The following KDM3A variants were observed in gnomAD, a reference collection of about 807,000 sequenced individuals.
KDM3A encodes lysine demethylase 3A, also known as lysine-specific demethylase 3A.
A neutral mutation model predicts 158.0 loss-of-function variants in KDM3A; 60 were observed. That is an observed-to-expected ratio of 0.38 (90% CI 0.31 to 0.47). KDM3A has a LOEUF of 0.47. Ranked by LOEUF, KDM3A falls within the 20% of genes least tolerant of loss-of-function variation. The pLI, the probability that KDM3A is intolerant of heterozygous loss-of-function variation, is 0.99. For missense variants in KDM3A, 1,319 were observed against 1,574.3 expected (o/e 0.84, Z 2.74); for synonymous variants, 608 against 549.3 (o/e 1.11, Z -1.49).
chr2:86,461,764 C>G (rs1672940703), intron 8 of KDM3A, among the ~76,000 whole-genome samples: 1 of 152,114 alleles, frequency 6.6e-6, no homozygotes, highest in Non-Finnish European at 1.5e-5. Flanking sequence ...GAGAACCAAC[C>G]AGCCACTGAA....
intron 8 of KDM3A, among the ~76,000 whole-genome samples, chr2:86,462,642 T>C (rs1216016463): frequency 1.3e-5 from 2 of 152,208 alleles, no homozygotes; most frequent in African/African-American, 2.4e-5. Context: ...TGCCTAAAAA[T>C]AGTTGAAACT....
chr2:86,466,421 A>G lies in KDM3A; in HGVS notation c.1057A>G (p.Lys353Glu), dbSNP rs372801997. The G allele has an allele frequency of 3.0e-5, 48 of 1,613,460 alleles. No individual in the cohort carries two copies. The highest frequency in any genetic ancestry group is 3.9e-5 in the Non-Finnish European group (46 of 1,179,704). The change falls in exon 10 of 26, where the codon AAG becomes GAG. Residue 353 changes from lysine to glutamate, a missense_variant. Transcript: ENST00000312912. Reference protein sequence around the residue: ...PEEISSCLNTKSEALRTKPDV... With the variant: ...PEEISSCLNTESEALRTKPDV... ...GGAAATTTCTTCCTGTCTAAATACAAAGTCTGAAGCTCTGAGAACAAAACC... is the reference window on the plus strand; with the variant it reads ...GGAAATTTCTTCCTGTCTAAATACAGAGTCTGAAGCTCTGAGAACAAAACC...
At chr2:86,476,573 T>G (rs1347163595) in intron 12 of KDM3A, among the ~76,000 whole-genome samples, 1 of 152,176 alleles carries the variant, frequency 6.6e-6, no homozygotes, top group Non-Finnish European at 1.5e-5. Flanking sequence ...ATCCTGAGAT[T>G]AGGGAGCAGA....
At chr2:86,468,795 C>T (rs1020730731) in intron 10 of KDM3A, among the ~76,000 whole-genome samples, 1 of 152,100 alleles carries the variant, frequency 6.6e-6, no homozygotes, top group Non-Finnish European at 1.5e-5. Flanking sequence ...CGTGGCTCCT[C>T]GGAAGTGGGC....
chr2:86,466,778 G>A lies in KDM3A; in HGVS notation c.1414G>A (p.Val472Ile). Residue 472 changes from valine (V) to isoleucine (I), a missense_variant, in exon 10 of 26, where the codon GTA becomes ATA. Around this residue, in one of 4 missense-constraint regions of KDM3A, gnomAD observed 652 missense variants for 627.2 expected, o/e 1.04. Coordinates refer to ENST00000312912, the MANE Select transcript of KDM3A (RefSeq NM_018433.6). ...DSPNNCSGKK[V>I]EPSALACRSQ... is the part of the protein sequence containing the mutation. ...CCCTAATAACTGTTCAGGAAAAAAG[G>A]TAGAACCTTCAGCTTTAGCTTGCCG... is the stretch of plus-strand genomic sequence containing the variant. 2 of 1,613,744 alleles carry A rather than the reference G, an allele frequency of 1.2e-6. No homozygotes were observed. The highest frequency in any genetic ancestry group is 1.7e-6 in the Non-Finnish European group (2 of 1,179,756).
chr2:86,480,855 A>G (rs1057169876), intron 16 of KDM3A, among the ~76,000 whole-genome samples: 1 of 152,232 alleles, frequency 6.6e-6, no homozygotes, highest in Non-Finnish European at 1.5e-5. Context: ...AGGAAAAGGA[A>G]TATTCAAACT....
intron 5 of KDM3A, 75 bp from the exon 6 acceptor site, chr2:86,456,366 GA>G (rs1672694383): frequency 1.9e-6 from 2 of 1,051,908 alleles, no homozygotes; most frequent in Non-Finnish European, 2.6e-6. Flanking sequence ...CTTAGGAAAA[GA>G]TTGTCCTGGA....
intron 11 of KDM3A, among the ~76,000 whole-genome samples, chr2:86,473,808 A>G (rs1324643254): frequency 6.6e-6 from 1 of 152,202 alleles, no homozygotes; most frequent in African/African-American, 2.4e-5. Context: ...AGCTTATGAA[A>G]AGAACATTCA....
At chr2:86,455,799 T>TA (rs1197036482) in intron 5 of KDM3A, among the ~76,000 whole-genome samples, 2 of 151,040 alleles carry the variant, frequency 1.3e-5, no homozygotes, top group African/African-American at 4.9e-5. Flanking sequence ...AAAACATTTT[T>TA]AAAAAAATTA....
At chr2:86,444,213 C>T (rs913715984) in intron 2 of KDM3A, among the ~76,000 whole-genome samples, 2 of 152,198 alleles carry the variant, frequency 1.3e-5, no homozygotes, top group African/African-American at 2.4e-5. Flanking sequence ...TCCAGATTTG[C>T]ATAATTAGCT....
chr2:86,459,505 T>TGAG (rs1238945920), intron 8 of KDM3A, among the ~76,000 whole-genome samples: 1 of 152,018 alleles, frequency 6.6e-6, no homozygotes, highest in Non-Finnish European at 1.5e-5. Context: ...TGAGACTTGC[T>TGAG]GAGGAAGAAG....
At chr2:86,447,507 CT>C (rs1683006475) in intron 2 of KDM3A, among the ~76,000 whole-genome samples, 1 of 150,026 alleles carries the variant, frequency 6.7e-6, no homozygotes, top group Non-Finnish European at 1.5e-5. Flanking sequence ...TGAAGATCCT[CT>C]TTCCCCTGCT....
At chr2:86,483,189 T>G (rs1326374766) in intron 18 of KDM3A, 1 of 153,932 alleles carries the variant, frequency 6.5e-6, no homozygotes, top group Non-Finnish European at 1.4e-5. Flanking sequence ...GTTAATATCT[T>G]TAGGAGAATT....
intron 8 of KDM3A, among the ~76,000 whole-genome samples, chr2:86,461,445 A>G (rs1251923814): frequency 6.6e-6 from 1 of 152,180 alleles, no homozygotes; most frequent in Non-Finnish European, 1.5e-5. Context: ...GTTACATGCT[A>G]ACAGCATTCA....
At chr2:86,469,895 C>G (rs904670553) in intron 10 of KDM3A, among the ~76,000 whole-genome samples, 1 of 152,114 alleles carries the variant, frequency 6.6e-6, no homozygotes, top group African/African-American at 2.4e-5. Flanking sequence ...TTGAAAACAT[C>G]CTAAAATGTA....
At chr2:86,462,333 T>G (rs1672963826) in intron 8 of KDM3A, among the ~76,000 whole-genome samples, 1 of 152,112 alleles carries the variant, frequency 6.6e-6, no homozygotes, top group South Asian at 2.1e-4. Context: ...ATTCTAAACA[T>G]ATTCAGAATA....
chr2:86,460,831 G>C (rs888936174), intron 8 of KDM3A: 1 of 152,054 alleles, frequency 6.6e-6, no homozygotes, highest in Non-Finnish European at 1.5e-5. Flanking sequence ...AAACTCTTCA[G>C]GTAAGAAGAA....
At position 86,483,696 on chromosome 2, in the gene KDM3A, T is replaced by G. The variant is rs535505329; in HGVS notation, c.2923-291T>G. On this transcript the variant is annotated intron_variant, in intron 18 of 25. Transcript: ENST00000312912. ...CTGGACACTCCTTCCAGCGCTTGTC[T>G]TCTTCACAGTCCGTCTTGCTGTAAG... 4.8e-4 allele frequency: 92 copies of G among 192,904 alleles called. 1 individual carries two copies. The highest frequency in any genetic ancestry group is 2.6e-4 in the East Asian group (2 of 7,782). The allele number at this position is 192,904 out of a possible 1,614,324, so 11.9% of individuals were successfully genotyped here.
At chr2:86,489,285 T>C (rs1291431214) in intron 21 of KDM3A, 33 bp from the exon 22 acceptor site, 12 of 1,603,892 alleles carry the variant, frequency 7.5e-6, no homozygotes, top group Non-Finnish European at 1.0e-5. Flanking sequence ...CTTTGTTGTC[T>C]TTTGTAAAAC....
Sources: gnomAD v4.1 joint callset for allele counts (sites outside exome capture counted in the v4.1 genomes callset) on GRCh38, gnomAD v4.1.1 for gene constraint, gnomAD v4.1.1 regional missense constraint, MANE v1.5 for transcripts, NCBI Gene and HGNC (gene_info 2026-07-23, HGNC 2026-07-21) for gene names.